CDH23: variants seen among roughly 807,000 people sequenced by gnomAD.
CDH23 encodes the protein cadherin-23.
Under a neutral mutation model 317.1 loss-of-function variants are expected in CDH23, and 189 were observed. The ratio of observed to expected loss-of-function variants is 0.60; its 90% confidence interval spans 0.53 to 0.67. CDH23 has a LOEUF of 0.67. Among genes scored for constraint, CDH23 ranks in the 30% least tolerant of loss-of-function variants. The pLI, the probability that CDH23 is intolerant of heterozygous loss-of-function variation, is 0.00. For synonymous variants in CDH23, 1,839 were observed against 1,876.8 expected (o/e 0.98, Z 0.52); for missense variants, 4,401 against 4,592.4 (o/e 0.96, Z 1.20).
intron 9 of CDH23, among the ~76,000 whole-genome samples, chr10:71,581,317 T>C (rs748632285): frequency 5.3e-5 from 8 of 152,114 alleles, no homozygotes; most frequent in Non-Finnish European, 1.2e-4. Context: ...GAGTCCTGAG[T>C]GTCACTGACA....
chr10:71,645,277 A>G (rs966934386), intron 12 of CDH23, among the ~76,000 whole-genome samples: 1 of 152,160 alleles, frequency 6.6e-6, no homozygotes, highest in African/African-American at 2.4e-5. Flanking sequence ...GGCCATTCAC[A>G]TTGCCACTCA....
chr10:71,501,175 TCA>T (rs2132168996), intron 3 of CDH23, among the ~76,000 whole-genome samples: 1 of 152,328 alleles, frequency 6.6e-6, no homozygotes, highest in East Asian at 1.9e-4. Flanking sequence ...GGCCTGAGCC[TCA>T]GTTTTCCTAC....
intron 3 of CDH23, among the ~76,000 whole-genome samples, chr10:71,488,394 T>A (rs1359046517): frequency 6.6e-6 from 1 of 152,206 alleles, no homozygotes; most frequent in African/African-American, 2.4e-5. Flanking sequence ...TACCTGCCAA[T>A]CTTGGACCTG....
At chr10:71,575,748 C>A (rs1210454575) in intron 8 of CDH23, among the ~76,000 whole-genome samples, 7 of 152,226 alleles carry the variant, frequency 4.6e-5, no homozygotes, top group Non-Finnish European at 1.0e-4. Context: ...ACTTCTCCAT[C>A]CCCCGTCTTT....
chr10:71,648,993 T>C (rs113202080), intron 14 of CDH23, among the ~76,000 whole-genome samples: 58 of 152,286 alleles, frequency 3.8e-4, no homozygotes, highest in African/African-American at 1.3e-3. Flanking sequence ...TCCATGCCAC[T>C]CTTAGCGCCT....
At position 71,793,301 on chromosome 10, in the gene CDH23, A is replaced by T; in HGVS notation, c.6373A>T (p.Ile2125Phe). 6.2e-7 allele frequency: 1 copy of T among 1,614,010 alleles called. No individual in the cohort carries two copies. Among genetic ancestry groups the T allele is most frequent in the South Asian group, 1.1e-5 (1 of 91,082 alleles). ...RFLIHLVTGV[I>F]RVGNATIDRE... The stretch of plus-strand genomic sequence containing the variant: ...CCTCATTCATCTGGTCACCGGGGTC[A>T]TCCGTGTTGGTAATGCCACCATCGA... The change falls in exon 48 of 70, where the codon ATC (isoleucine) becomes TTC (phenylalanine). Residue 2125 changes from isoleucine (I) to phenylalanine (F), a missense_variant. This residue lies in a region of CDH23 where 3,068 missense variants were observed against 3,203.3 expected (regional missense o/e 0.96). Coordinates refer to ENST00000224721, the MANE Select transcript of CDH23 (RefSeq NM_022124.6).
At chr10:71,473,756 C>T (rs887448797) in intron 3 of CDH23, among the ~76,000 whole-genome samples, 5 of 152,218 alleles carry the variant, frequency 3.3e-5, no homozygotes, top group Non-Finnish European at 5.9e-5. Flanking sequence ...CAGCTCTAGA[C>T]GTGGGGCCAG....
At chr10:71,478,681 C>A (rs922658925) in intron 3 of CDH23, among the ~76,000 whole-genome samples, 2 of 152,184 alleles carry the variant, frequency 1.3e-5, no homozygotes, top group African/African-American at 4.8e-5. Context: ...CCTCCCCTGC[C>A]CCCTCCCATC....
chr10:71,762,969 A>G (rs150363205), intron 38 of CDH23, among the ~76,000 whole-genome samples: 2 of 152,304 alleles, frequency 1.3e-5, no homozygotes, highest in African/African-American at 4.8e-5. Flanking sequence ...AGCTTTTGAA[A>G]ACAGAATATT....
At chr10:71,803,857 T>C (rs914206436) in intron 55 of CDH23, among the ~76,000 whole-genome samples, 2 of 144,662 alleles carry the variant, frequency 1.4e-5, no homozygotes, top group African/African-American at 5.2e-5. Context: ...TGGTGGTGCA[T>C]GCCTGTAATC....
At chr10:71,436,899 A>C (rs564865125) in intron 1 of CDH23, among the ~76,000 whole-genome samples, 4 of 152,190 alleles carry the variant, frequency 2.6e-5, no homozygotes, top group Admixed American at 6.5e-5. Context: ...TTAATTGCCC[A>C]ATGCCTCGGT....
At chr10:71,771,827 C>CT (rs1840692354) in intron 38 of CDH23, among the ~76,000 whole-genome samples, 1 of 152,234 alleles carries the variant, frequency 6.6e-6, no homozygotes, top group Admixed American at 6.5e-5. Flanking sequence ...GCTCTGCAAG[C>CT]TGGGTCCCTG....
intron 20 of CDH23, among the ~76,000 whole-genome samples, chr10:71,693,385 T>C (rs550097912): frequency 6.6e-6 from 1 of 152,056 alleles, no homozygotes; most frequent in African/African-American, 2.4e-5. Context: ...AAAGACCAAA[T>C]ACAGGCGAAC....
intron 14 of CDH23, among the ~76,000 whole-genome samples, chr10:71,649,515 C>T (rs1239733971): frequency 6.6e-6 from 1 of 152,148 alleles, no homozygotes; most frequent in African/African-American, 2.4e-5. Context: ...GAAGGGCTGT[C>T]ACCACCAGTC....
Position 71,794,222 on chromosome 10 carries a change from G to T in CDH23, c.6712+582G>T, listed in dbSNP as rs543109140. Reference sequence around the variant, plus strand: ...TCACCATGTTGGCCAGGCTGGTCTTGATCATCCTGACCTCAGGTGATCCAC... The same window carrying T: ...TCACCATGTTGGCCAGGCTGGTCTTTATCATCCTGACCTCAGGTGATCCAC... On this transcript the variant is annotated intron_variant, in intron 48 of 69. Coordinates refer to ENST00000224721, the MANE Select transcript of CDH23 (RefSeq NM_022124.6). 3.3e-5 allele frequency among the ~76,000 whole-genome samples: 5 copies of T among 152,294 alleles called. No homozygotes were observed. In the South Asian group the frequency reaches 6.2e-4, roughly 19 times the overall value.
intron 50 of CDH23, 114 bp from the exon 51 acceptor site, chr10:71,798,997 C>A: frequency 9.9e-7 from 1 of 1,005,188 alleles, no homozygotes; most frequent in Non-Finnish European, 1.5e-6. Flanking sequence ...CCTGACCACC[C>A]TCCTTCAAGT....
At chr10:71,778,826 G>C (rs1225003583) in intron 40 of CDH23, among the ~76,000 whole-genome samples, 4 of 152,126 alleles carry the variant, frequency 2.6e-5, no homozygotes, top group Admixed American at 2.6e-4. Flanking sequence ...CTTGATCACA[G>C]CTCACTGCAG....
At chr10:71,443,089 C>T (rs377103427) in intron 2 of CDH23, among the ~76,000 whole-genome samples, 3 of 152,292 alleles carry the variant, frequency 2.0e-5, no homozygotes, top group African/African-American at 7.2e-5. Context: ...GGGCGACTGG[C>T]GGGGGCACTC....
chr10:71,774,047 G>A (rs1292664114), intron 38 of CDH23, among the ~76,000 whole-genome samples: 13 of 116,780 alleles, frequency 1.1e-4, no homozygotes, highest in African/African-American at 4.1e-4. Flanking sequence ...GTGCATGCGC[G>A]CGCGCACACA....
Sources: allele counts gnomAD v4.1 joint callset (sites outside exome capture counted in the v4.1 genomes callset), GRCh38; gene constraint gnomAD v4.1.1; regional missense constraint gnomAD v4.1.1; transcripts MANE v1.5; gene names NCBI Gene and HGNC (gene_info 2026-07-23, HGNC 2026-07-21).